ANAPC10: variants seen among roughly 807,000 people sequenced by gnomAD.
The protein encoded by ANAPC10 is anaphase-promoting complex subunit 10.
In ANAPC10, 12 loss-of-function variants were observed where a neutral mutation model predicts 22.0. The observed-to-expected ratio is 0.55, with a 90% CI of 0.35 to 0.88. The LOEUF (loss-of-function observed/expected upper bound fraction) is 0.88. Ranked by LOEUF, ANAPC10 falls within the 40% of genes least tolerant of loss-of-function variation. The pLI, the probability that ANAPC10 is intolerant of heterozygous loss-of-function variation, is 0.01. For synonymous variants in ANAPC10, 65 were observed against 69.5 expected (o/e 0.94, Z 0.32); for missense variants, 188 against 220.9 (o/e 0.85, Z 0.94).
intron 4 of ANAPC10, among the ~76,000 whole-genome samples, chr4:145,013,342 T>A (rs1734641410): frequency 6.6e-6 from 1 of 152,046 alleles, no homozygotes; most frequent in African/African-American, 2.4e-5. Context: ...AAGGATAATA[T>A]ATCATTCTAG....
At chr4:145,022,980 C>T (rs1736176807) in intron 4 of ANAPC10, among the ~76,000 whole-genome samples, 1 of 152,096 alleles carries the variant, frequency 6.6e-6, no homozygotes, top group Non-Finnish European at 1.5e-5. Context: ...CCCATTAACT[C>T]GTCATTTACA....
intron 4 of ANAPC10, among the ~76,000 whole-genome samples, chr4:145,029,158 G>A (rs774829635): frequency 1.3e-5 from 2 of 152,090 alleles, no homozygotes; most frequent in African/African-American, 4.8e-5. Context: ...CACTGAGTTC[G>A]TAAACTCTGA....
Position 145,088,404 on chromosome 4 carries a change from G to A in ANAPC10, c.116-6654C>T, listed in dbSNP as rs138730420. ...CTAAACATTTCAACTAGAAAAATAG[G>A]CATTGCAAAATTAACATATATAAAT... is the stretch of plus-strand genomic sequence containing the variant. On this transcript the variant is annotated intron_variant, in intron 2 of 4. Coordinates refer to ENST00000507656, the MANE Select transcript of ANAPC10 (RefSeq NM_001256706.2). Among the ~76,000 whole-genome samples, 643 of 152,158 alleles carry A rather than the reference G, an allele frequency of 4.2e-3. 3 individuals are homozygous for A. Among genetic ancestry groups the A allele is most frequent in the African/African-American group, 0.014 (589 of 41,500 alleles).
At chr4:145,019,755 T>C (rs990360263) in intron 4 of ANAPC10, among the ~76,000 whole-genome samples, 6 of 151,968 alleles carry the variant, frequency 3.9e-5, no homozygotes, top group Non-Finnish European at 8.8e-5. Flanking sequence ...ACAGGAGACA[T>C]TACAACTCAC....
At chr4:145,023,047 T>G (rs887034905) in intron 4 of ANAPC10, among the ~76,000 whole-genome samples, 7 of 152,076 alleles carry the variant, frequency 4.6e-5, no homozygotes, top group Non-Finnish European at 1.0e-4. Context: ...TACACACCAA[T>G]AGTCAAGTGG....
intron 2 of ANAPC10, among the ~76,000 whole-genome samples, chr4:145,095,187 T>C (rs1415568798): frequency 6.6e-6 from 1 of 152,222 alleles, no homozygotes; most frequent in African/African-American, 2.4e-5. Context: ...CAGTGTACAG[T>C]AGTATCTTTA....
intron 2 of ANAPC10, among the ~76,000 whole-genome samples, chr4:145,093,337 G>T (rs1371355906): frequency 6.6e-6 from 1 of 151,896 alleles, no homozygotes; most frequent in East Asian, 1.9e-4. Context: ...CCTAACTAAT[G>T]CAAATCCCAC....
chr4:145,030,417 C>G (rs1317879479), intron 4 of ANAPC10, among the ~76,000 whole-genome samples: 1 of 152,212 alleles, frequency 6.6e-6, no homozygotes, highest in African/African-American at 2.4e-5. Flanking sequence ...ACCAAGGTAA[C>G]TGCACTGGGG....
At chr4:145,090,180 C>A (rs756170010) in intron 2 of ANAPC10, among the ~76,000 whole-genome samples, 4 of 152,152 alleles carry the variant, frequency 2.6e-5, no homozygotes, top group Non-Finnish European at 2.9e-5. Flanking sequence ...GCACAAGTCC[C>A]TTATTTAAAA....
intron 4 of ANAPC10, among the ~76,000 whole-genome samples, chr4:145,030,768 C>T (rs982935296): frequency 1.3e-5 from 2 of 152,194 alleles, no homozygotes; most frequent in African/African-American, 4.8e-5. Context: ...GCTACCTTTA[C>T]TTAGAAAAAT....
intron 3 of ANAPC10, 129 bp from the exon 4 acceptor site, chr4:145,064,821 T>G: frequency 1.3e-6 from 1 of 783,610 alleles, no homozygotes; most frequent in Non-Finnish European, 1.9e-6. Context: ...TCATATCTTT[T>G]AATTTCAACA....
chr4:145,054,896 T>C (rs193136060), intron 4 of ANAPC10, among the ~76,000 whole-genome samples: 4 of 152,312 alleles, frequency 2.6e-5, no homozygotes, highest in East Asian at 1.9e-4. Context: ...CCGTATCTTA[T>C]AGTTGTACTC....
chr4:145,085,207 T>C (rs1217166301), intron 2 of ANAPC10, among the ~76,000 whole-genome samples: 1 of 152,102 alleles, frequency 6.6e-6, no homozygotes, highest in African/African-American at 2.4e-5. Flanking sequence ...TAGTAAGCCA[T>C]GACTGTACCA....
chr4:145,080,372 TCCTG>T (rs1268851855), intron 3 of ANAPC10, among the ~76,000 whole-genome samples: 3 of 152,092 alleles, frequency 2.0e-5, no homozygotes, highest in Admixed American at 2.0e-4. Context: ...AATAAATAAA[TCCTG>T]CCTAACATCT....
At chr4:145,015,345 G>A (rs979583023) in intron 4 of ANAPC10, among the ~76,000 whole-genome samples, 2 of 151,822 alleles carry the variant, frequency 1.3e-5, no homozygotes, top group African/African-American at 4.8e-5. Context: ...GAAATTCAGA[G>A]CTTGAAGACA....
intron 4 of ANAPC10, chr4:145,033,141 G>C (rs1244893239): frequency 2.0e-5 from 3 of 152,172 alleles, no homozygotes; most frequent in Admixed American, 6.5e-5. Flanking sequence ...TACTTTGCAG[G>C]ACTGGGGCAA....
intron 4 of ANAPC10, among the ~76,000 whole-genome samples, chr4:145,025,072 A>G (rs1459634494): frequency 6.6e-6 from 1 of 151,898 alleles, no homozygotes. Context: ...CTAGCTTCAA[A>G]CTCTCTTCTG....
At chr4:145,028,173 CAA>C (rs1016297575) in intron 4 of ANAPC10, among the ~76,000 whole-genome samples, 22 of 152,024 alleles carry the variant, frequency 1.4e-4, no homozygotes, top group African/African-American at 4.1e-4. Flanking sequence ...TGTGTGTTGC[CAA>C]AAGAGATTAA....
At chr4:145,053,526 C>T (rs1196323512) in intron 4 of ANAPC10, among the ~76,000 whole-genome samples, 1 of 152,114 alleles carries the variant, frequency 6.6e-6, no homozygotes, top group Admixed American at 6.5e-5. Context: ...GCAACAGATT[C>T]TAAAAAAGTG....
Sources: gnomAD v4.1 joint callset for allele counts (sites outside exome capture counted in the v4.1 genomes callset) on GRCh38, gnomAD v4.1.1 for gene constraint, MANE v1.5 for transcripts, NCBI Gene and HGNC (gene_info 2026-07-23, HGNC 2026-07-21) for gene names.